The following RYR2 variants were observed in gnomAD, a reference collection of about 807,000 sequenced individuals.
The protein encoded by RYR2 is ryanodine receptor 2, also known as cardiac muscle ryanodine receptor-calcium release channel.
A neutral mutation model predicts 601.1 loss-of-function variants in RYR2; 227 were observed. The ratio of observed to expected loss-of-function variants is 0.38; its 90% CI spans 0.34 to 0.42. RYR2 has a LOEUF of 0.42. Ranked by LOEUF, RYR2 falls within the 10% of genes least tolerant of loss-of-function variation. The pLI, the probability that RYR2 is intolerant of heterozygous loss-of-function variation, is 1.00. For synonymous variants in RYR2, 2,223 were observed against 2,175.1 expected, an observed-to-expected ratio of 1.02 and a Z score of -0.61; for missense variants, 4,646 against 6,156.5, an observed-to-expected ratio of 0.75 and a Z score of 8.21.
intron 3 of RYR2, among the ~76,000 whole-genome samples, chr1:237,352,177 T>C (rs1477290761): frequency 1.3e-5 from 2 of 152,094 alleles, no homozygotes; most frequent in Non-Finnish European, 2.9e-5. Flanking sequence ...TGGTGAAATA[T>C]TGAATTCTTT....
At chr1:237,664,759 T>A (rs993607350) in intron 56 of RYR2, among the ~76,000 whole-genome samples, 12 of 152,176 alleles carry the variant, frequency 7.9e-5, no homozygotes, top group African/African-American at 2.9e-4. Flanking sequence ...TTGCCATGGA[T>A]TCTAGCTTGT....
intron 1 of RYR2, among the ~76,000 whole-genome samples, chr1:237,251,143 T>TAG (rs1257689854): frequency 6.6e-6 from 1 of 152,074 alleles, no homozygotes; most frequent in African/African-American, 2.4e-5. Flanking sequence ...TTCCTTTCCA[T>TAG]AGTGCCCAAA....
chr1:237,536,759 G>T (rs1274682222), intron 25 of RYR2, among the ~76,000 whole-genome samples: 2 of 144,962 alleles, frequency 1.4e-5, no homozygotes, highest in Non-Finnish European at 3.0e-5. Context: ...GGTGGCAGGC[G>T]CCTGTAGTCC....
intron 98 of RYR2, among the ~76,000 whole-genome samples, chr1:237,804,623 A>G (rs1437413464): frequency 6.6e-6 from 1 of 152,112 alleles, no homozygotes; most frequent in Non-Finnish European, 1.5e-5. Flanking sequence ...GCCTATGTGA[A>G]TAATCAACAT....
intron 56 of RYR2, among the ~76,000 whole-genome samples, chr1:237,664,853 T>C (rs963971806): frequency 6.6e-6 from 1 of 152,186 alleles, no homozygotes; most frequent in Non-Finnish European, 1.5e-5. Context: ...GACTTTGATT[T>C]TATATGTTGT....
chr1:237,444,687 G>A (rs1475625920), intron 13 of RYR2, among the ~76,000 whole-genome samples: 1 of 152,176 alleles, frequency 6.6e-6, no homozygotes, highest in Non-Finnish European at 1.5e-5. Context: ...TTTCTTTCTT[G>A]AGCTGGGTGT....
intron 16 of RYR2, among the ~76,000 whole-genome samples, chr1:237,463,124 G>T (rs757491803): frequency 6.6e-6 from 1 of 152,044 alleles, no homozygotes; most frequent in East Asian, 1.9e-4. Context: ...AGGCTTAGGA[G>T]CATCTACTTG....
intron 12 of RYR2, among the ~76,000 whole-genome samples, chr1:237,427,888 C>A (rs1706352868): frequency 6.8e-6 from 1 of 147,752 alleles, no homozygotes; most frequent in Non-Finnish European, 1.5e-5. Context: ...AAGGATATTG[C>A]ATGGTATTGA....
In RYR2 at chr1:237,744,719, T is replaced by A. The variant is rs78421067; in HGVS notation, c.11145+2370T>A. On this transcript the variant is annotated intron_variant, in intron 80 of 104. Transcript: ENST00000366574. ...ACTATTCTACTTTGCCTTCTTTTTT[T>A]AAAAAAAAAAAAAGTGAAATATTTG... Among the ~76,000 whole-genome samples the A allele has an allele frequency of 9.2e-3, 1,345 of 146,280 alleles. 22 individuals are homozygous for A. Among genetic ancestry groups the A allele is most frequent in the African/African-American group, 0.03 (1,182 of 39,518 alleles).
intron 12 of RYR2, among the ~76,000 whole-genome samples, chr1:237,424,517 G>T (rs1039038409): frequency 2.6e-5 from 4 of 152,150 alleles, no homozygotes; most frequent in African/African-American, 9.7e-5. Flanking sequence ...ATGAGGAAAA[G>T]ATGTTAAGTA....
intron 1 of RYR2, among the ~76,000 whole-genome samples, chr1:237,074,273 T>C (rs1056359370): frequency 6.6e-6 from 1 of 152,216 alleles, no homozygotes; most frequent in Non-Finnish European, 1.5e-5. Context: ...GCTACGATTA[T>C]GCCACTGCAC....
At chr1:237,753,537 A>C (rs951742476) in intron 80 of RYR2, among the ~76,000 whole-genome samples, 1 of 151,634 alleles carries the variant, frequency 6.6e-6, no homozygotes, top group African/African-American at 2.4e-5. Flanking sequence ...CCTTGGAAAA[A>C]CCTCCTAACA....
intron 24 of RYR2, among the ~76,000 whole-genome samples, chr1:237,514,868 C>T (rs1240703967): frequency 6.6e-6 from 1 of 152,172 alleles, no homozygotes; most frequent in Non-Finnish European, 1.5e-5. Context: ...CACCATATGT[C>T]TGAGAGGGAG....
chr1:237,600,281 C>T (rs150024878), intron 34 of RYR2, among the ~76,000 whole-genome samples: 1,785 of 151,746 alleles, frequency 0.012, 27 homozygotes, highest in African/African-American at 0.04. Context: ...GAACAGAGAA[C>T]CCAGAAAAAA....
chr1:237,611,572 A>T (rs1188320100), intron 36 of RYR2, among the ~76,000 whole-genome samples: 1 of 152,168 alleles, frequency 6.6e-6, no homozygotes, highest in Non-Finnish European at 1.5e-5. Context: ...GTTTTTCCAT[A>T]TGATAGCCAA....
chr1:237,567,789 A>T (rs977171744), intron 28 of RYR2, among the ~76,000 whole-genome samples: 1 of 152,088 alleles, frequency 6.6e-6, no homozygotes, highest in African/African-American at 2.4e-5. Context: ...AAATTAGAAT[A>T]AATAAGCAAT....
chr1:237,799,420 GA>G (rs1659682349), intron 97 of RYR2, among the ~76,000 whole-genome samples: 4 of 152,206 alleles, frequency 2.6e-5, no homozygotes, highest in African/African-American at 7.2e-5. Flanking sequence ...AAAAAAGTCT[GA>G]AAAAATAGAA....
intron 2 of RYR2, among the ~76,000 whole-genome samples, chr1:237,281,585 G>C (rs1449922052): frequency 6.6e-6 from 1 of 152,248 alleles, no homozygotes. Flanking sequence ...TTCAGCCAAA[G>C]GGGGCTGTGC....
rs12035538 is a variant in RYR2 at position 237,048,723 on chromosome 1, G to C, written c.48+6154G>C. On this transcript the variant is annotated intron_variant, in intron 1 of 104. Transcript: ENST00000366574. ...GAAACTCAAGCAATGGTCAGAGAAT[G>C]CTCTGACCCTGATGCTCTGTGGGTG... Among the ~76,000 whole-genome samples the C allele has an allele frequency of 1.2e-4, 19 of 152,246 alleles. No homozygotes were observed. In the East Asian group the frequency reaches 3.5e-3, roughly 28 times the overall value.
Sources: gnomAD v4.1 joint callset for allele counts (sites outside exome capture counted in the v4.1 genomes callset) on GRCh38, gnomAD v4.1.1 for gene constraint, MANE v1.5 for transcripts, NCBI Gene and HGNC (gene_info 2026-07-23, HGNC 2026-07-21) for gene names.